ANAPC10: variants seen among roughly 807,000 people sequenced by gnomAD.
ANAPC10 encodes anaphase-promoting complex subunit 10.
In ANAPC10, 12 loss-of-function variants were observed where a neutral mutation model predicts 22.0. The observed-to-expected ratio is 0.55, with a 90% CI of 0.35 to 0.88. The LOEUF is 0.88. Ranked by LOEUF, ANAPC10 falls within the 40% of genes least tolerant of loss-of-function variation. The probability of loss-of-function intolerance (pLI) is 0.01; values close to 1 mark genes in which losing one functional copy is unlikely to be tolerated. For synonymous variants in ANAPC10, 65 were observed against 69.5 expected (o/e 0.94, Z 0.32); for missense variants, 188 against 220.9 (o/e 0.85, Z 0.94).
At position 144,995,412 on chromosome 4, in the gene ANAPC10, A is replaced by G. The variant is rs1731463599; in HGVS notation, c.519T>C (p.Cys173=). 13 of 1,613,284 alleles carry G rather than the reference A, an allele frequency of 8.1e-6. No homozygotes were observed. The highest frequency in any genetic ancestry group is 1.1e-5 in the Non-Finnish European group (13 of 1,179,396). ...GATACATCATGAAATCTATAGTTGT[A>G]CATCTAGGAAATTTACCAATGGAGC... is the stretch of plus-strand genomic sequence containing the variant. ...EESSIGKFPR[C]TTIDFMMYRS... is the part of the protein sequence containing the mutation. The change falls in exon 5 of 5, where the codon TGT becomes TGC. Residue 173 remains cysteine (C), a synonymous_variant. Coordinates refer to ENST00000507656, the MANE Select transcript of ANAPC10 (RefSeq NM_001256706.2).
At chr4:145,010,525 G>A (rs1047974067) in intron 4 of ANAPC10, among the ~76,000 whole-genome samples, 7 of 152,134 alleles carry the variant, frequency 4.6e-5, no homozygotes, top group Non-Finnish European at 8.8e-5. Context: ...CCTTTGTAGG[G>A]ACATGCATGA....
At chr4:145,084,489 T>C (rs1437193893) in intron 2 of ANAPC10, among the ~76,000 whole-genome samples, 1 of 152,052 alleles carries the variant, frequency 6.6e-6, no homozygotes, top group Non-Finnish European at 1.5e-5. Context: ...ACCAGGGGTG[T>C]CTAATCTTTT....
chr4:145,066,777 T>TAAAA (rs34932133), intron 3 of ANAPC10, among the ~76,000 whole-genome samples: 1 of 149,976 alleles, frequency 6.7e-6, no homozygotes. Context: ...TTTTCTGATT[T>TAAAA]AAAAAAAAAA....
chr4:145,041,412 A>G (rs573721017), intron 4 of ANAPC10, among the ~76,000 whole-genome samples: 1 of 152,362 alleles, frequency 6.6e-6, no homozygotes, highest in Non-Finnish European at 1.5e-5. Flanking sequence ...ATAATCATTG[A>G]TAACTGAGGA....
intron 4 of ANAPC10, among the ~76,000 whole-genome samples, chr4:145,059,740 C>T (rs975286554): frequency 1.3e-5 from 2 of 151,914 alleles, no homozygotes; most frequent in Admixed American, 1.3e-4. Flanking sequence ...AACTAGTTAG[C>T]AAACTGAAAA....
At chr4:145,080,856 G>A (rs1219351470) in intron 3 of ANAPC10, among the ~76,000 whole-genome samples, 7 of 144,982 alleles carry the variant, frequency 4.8e-5, no homozygotes, top group African/African-American at 1.8e-4. Context: ...GCAGTAACCC[G>A]AGATCACGCC....
intron 2 of ANAPC10, among the ~76,000 whole-genome samples, chr4:145,088,034 C>A (rs56253738): frequency 1.3e-5 from 2 of 151,888 alleles, no homozygotes; most frequent in Non-Finnish European, 2.9e-5. Flanking sequence ...GGCAACAGAG[C>A]GAGACTCCAC....
chr4:145,019,048 G>T, intron 4 of ANAPC10, among the ~76,000 whole-genome samples: 1 of 152,140 alleles, frequency 6.6e-6, no homozygotes, highest in East Asian at 1.9e-4. Flanking sequence ...CATCAAGACA[G>T]AAAGTCAACA....
intron 2 of ANAPC10, 67 bp from the exon 3 acceptor site, chr4:145,081,817 AT>A: frequency 1.9e-6 from 2 of 1,062,984 alleles, no homozygotes; most frequent in Non-Finnish European, 1.4e-6. Context: ...AAAACATAAA[AT>A]TAACATATGT....
chr4:145,009,220 A>G (rs1327518252), intron 4 of ANAPC10, among the ~76,000 whole-genome samples: 1 of 152,122 alleles, frequency 6.6e-6, no homozygotes, highest in Non-Finnish European at 1.5e-5. Context: ...ATGCTCATGG[A>G]TAGGAAGAAT....
At chr4:145,091,164 C>A (rs928909380) in intron 2 of ANAPC10, among the ~76,000 whole-genome samples, 1 of 152,206 alleles carries the variant, frequency 6.6e-6, no homozygotes, top group African/African-American at 2.4e-5. Context: ...TCCTGCCACT[C>A]CTCTAGTAGC....
At chr4:145,064,991 G>A (rs1229262093) in intron 3 of ANAPC10, among the ~76,000 whole-genome samples, 1 of 151,874 alleles carries the variant, frequency 6.6e-6, no homozygotes, top group Non-Finnish European at 1.5e-5. Flanking sequence ...ATGCAAACAA[G>A]CATTAAGGAT....
chr4:145,070,336 A>G (rs1744314001), intron 3 of ANAPC10, among the ~76,000 whole-genome samples: 1 of 152,228 alleles, frequency 6.6e-6, no homozygotes, highest in South Asian at 2.1e-4. Context: ...CAAAAAGACA[A>G]CCCAATGTAA....
At chr4:145,083,509 C>CAATT (rs1746405321) in intron 2 of ANAPC10, among the ~76,000 whole-genome samples, 1 of 152,108 alleles carries the variant, frequency 6.6e-6, no homozygotes, top group African/African-American at 2.4e-5. Flanking sequence ...AAATTGTCCT[C>CAATT]TAAAACATTT....
intron 2 of ANAPC10, among the ~76,000 whole-genome samples, chr4:145,093,382 T>A (rs1747986561): frequency 1.3e-5 from 2 of 151,860 alleles, no homozygotes; most frequent in African/African-American, 4.8e-5. Flanking sequence ...AGGCACCCAT[T>A]TCAAGGTGTA....
At chr4:145,015,591 C>T (rs979230715) in intron 4 of ANAPC10, among the ~76,000 whole-genome samples, 1 of 152,118 alleles carries the variant, frequency 6.6e-6, no homozygotes, top group Non-Finnish European at 1.5e-5. Flanking sequence ...ACAAAGAACA[C>T]CTGGAAAATT....
intron 4 of ANAPC10, among the ~76,000 whole-genome samples, chr4:145,025,234 T>C (rs1376617271): frequency 6.6e-6 from 1 of 152,152 alleles, no homozygotes; most frequent in Non-Finnish European, 1.5e-5. Flanking sequence ...TGCTTTCTTA[T>C]CATTCATGTG....
intron 4 of ANAPC10, among the ~76,000 whole-genome samples, chr4:145,032,722 A>C (rs1205176640): frequency 6.6e-6 from 1 of 152,170 alleles, no homozygotes; most frequent in Non-Finnish European, 1.5e-5. Context: ...ATGAATGCCC[A>C]ATTTGCCAGC....
intron 4 of ANAPC10, among the ~76,000 whole-genome samples, chr4:145,058,526 T>C (rs1742401333): frequency 6.6e-6 from 1 of 152,160 alleles, no homozygotes; most frequent in African/African-American, 2.4e-5. Flanking sequence ...GCAGAAACTG[T>C]GACTTTATTG....
Sources: gnomAD v4.1 joint callset for allele counts (sites outside exome capture counted in the v4.1 genomes callset) on GRCh38, gnomAD v4.1.1 for gene constraint, MANE v1.5 for transcripts, NCBI Gene and HGNC (gene_info 2026-07-23, HGNC 2026-07-21) for gene names.